Variants in CUBN observed in about 807,000 individuals in gnomAD.
CUBN encodes cubilin.
A neutral mutation model predicts 405.3 loss-of-function variants in CUBN; 282 were observed. The observed-to-expected ratio is 0.70, with a 90% confidence interval of 0.63 to 0.77. CUBN has a LOEUF of 0.77. Among genes scored for constraint, CUBN ranks in the 30% least tolerant of loss-of-function variants. The pLI is 0.00. For synonymous variants in CUBN, 1,684 were observed against 1,617.0 expected, an observed-to-expected ratio of 1.04 and a Z score of -0.99; for missense variants, 4,514 against 4,475.2, an observed-to-expected ratio of 1.01 and a Z score of -0.25.
intron 57 of CUBN, among the ~76,000 whole-genome samples, chr10:16,875,301 A>G: frequency 6.6e-6 from 1 of 152,306 alleles, no homozygotes; most frequent in Non-Finnish European, 1.5e-5. Flanking sequence ...GGGTTTACAT[A>G]TGAGGATCAG....
At chr10:16,995,743 T>C (rs1374102164) in intron 28 of CUBN, among the ~76,000 whole-genome samples, 1 of 152,200 alleles carries the variant, frequency 6.6e-6, no homozygotes, top group Non-Finnish European at 1.5e-5. Context: ...AGGTAAGAAA[T>C]TGGTTTTTCA....
Position 16,836,356 on chromosome 10 carries a change from G to A in CUBN, c.10059C>T (p.Phe3353=), listed in dbSNP as rs908326715. Reference sequence around the variant, plus strand: ...GCACAGCCGAAGCATTTCTGCCACAGAACTGAAATCTTGAATTTCCGTGAC... The same window carrying A: ...GCACAGCCGAAGCATTTCTGCCACAAAACTGAAATCTTGAATTTCCGTGAC... ...PQGHGNSRFQ[F]CGRNASAVPV... is the part of the protein sequence containing the mutation. Residue 3353 remains phenylalanine (F), a synonymous_variant, in exon 63 of 67, where the codon TTC becomes TTT. Transcript: ENST00000377833. 1.9e-6 allele frequency: 3 copies of A among 1,613,954 alleles called. No individual in the cohort carries two copies. The African/African-American group carries it at 4.0e-5, about 22-fold the overall frequency.
intron 40 of CUBN, among the ~76,000 whole-genome samples, chr10:16,932,811 T>C (rs1366159616): frequency 6.6e-6 from 1 of 152,166 alleles, no homozygotes; most frequent in African/African-American, 2.4e-5. Flanking sequence ...AGGTGAACAA[T>C]GTTGACATTC....
At chr10:17,072,745 A>G (rs370907519) in intron 17 of CUBN, among the ~76,000 whole-genome samples, 3 of 152,192 alleles carry the variant, frequency 2.0e-5, no homozygotes, top group African/African-American at 7.2e-5. Context: ...GAAAATAAAT[A>G]TATAAGCACA....
intron 27 of CUBN, among the ~76,000 whole-genome samples, chr10:17,031,372 G>C (rs1468566130): frequency 6.6e-6 from 1 of 152,114 alleles, no homozygotes; most frequent in Non-Finnish European, 1.5e-5. Flanking sequence ...GCCAGACCTT[G>C]TTTTGGCTCT....
chr10:17,099,255 T>G (rs1836443032), intron 14 of CUBN, among the ~76,000 whole-genome samples: 2 of 152,196 alleles, frequency 1.3e-5, no homozygotes, highest in African/African-American at 4.8e-5. Flanking sequence ...TCTTTACTTT[T>G]TATTTGTTTA....
At chr10:17,091,413 AAAAG>A (rs1564512031) in intron 14 of CUBN, among the ~76,000 whole-genome samples, 2 of 152,314 alleles carry the variant, frequency 1.3e-5, no homozygotes. Flanking sequence ...AAAAAAAAGA[AAAAG>A]AGAGAAAATC....
At chr10:16,931,723 C>T (rs7914868) in intron 40 of CUBN, among the ~76,000 whole-genome samples, 3 of 151,964 alleles carry the variant, frequency 2.0e-5, no homozygotes, top group Middle Eastern at 3.2e-3. Flanking sequence ...ACAGGTAGAA[C>T]GGGTTTGGAG....
At chr10:16,988,006 G>A (rs1833475861) in intron 29 of CUBN, among the ~76,000 whole-genome samples, 1 of 152,154 alleles carries the variant, frequency 6.6e-6, no homozygotes, top group Admixed American at 6.5e-5. Context: ...TCTTCTCACA[G>A]CCATTTCTGT....
chr10:17,088,024 A>C, intron 15 of CUBN, 140 bp downstream of exon 15: 35 of 663,896 alleles, frequency 5.3e-5, no homozygotes, highest in East Asian at 1.4e-4. Context: ...AGACTTTGCA[A>C]GAGTTAGATA....
At position 16,824,975 on chromosome 10, in the gene CUBN, T is replaced by C; in HGVS notation, c.10872A>G (p.Ter3624=). The change falls in exon 67 of 67, where the codon TAA becomes TAG. Residue 3624 remains the stop codon, a stop_retained_variant. Transcript: ENST00000377833. ...TGAGTGAACACGAGTTGTTACCCAC[T>C]TAGCTGTCCCAAGTTAATCGGAATG... ...PSAFRLTWDS[*] 6.2e-7 allele frequency: 1 copy of C among 1,611,516 alleles called. No homozygotes were observed. Among genetic ancestry groups the C allele is most frequent in the Non-Finnish European group, 8.5e-7 (1 of 1,177,696 alleles).
intron 14 of CUBN, among the ~76,000 whole-genome samples, chr10:17,089,984 T>A (rs904790332): frequency 6.6e-6 from 1 of 151,884 alleles, no homozygotes; most frequent in Admixed American, 6.6e-5. Context: ...GGTATGGTGG[T>A]GCGTGTCTGT....
chr10:17,092,060 A>G (rs1296871133), intron 14 of CUBN, among the ~76,000 whole-genome samples: 1 of 152,168 alleles, frequency 6.6e-6, no homozygotes, highest in East Asian at 1.9e-4. Context: ...CTTTCTGGTA[A>G]CATCTTCCTG....
chr10:16,978,001 G>A (rs1365430114), intron 31 of CUBN, among the ~76,000 whole-genome samples: 2 of 152,186 alleles, frequency 1.3e-5, no homozygotes, highest in Non-Finnish European at 2.9e-5. Flanking sequence ...ATTTTAAATT[G>A]CTTTTGCTGG....
chr10:17,071,387 T>C (rs1231194267), intron 19 of CUBN, 39 bp downstream of exon 19: 1 of 1,595,078 alleles, frequency 6.3e-7, no homozygotes, highest in Non-Finnish European at 8.6e-7. Flanking sequence ...TTTTATAATA[T>C]ACAACCAAAT....
chr10:17,061,495 T>C (rs1835503883), intron 22 of CUBN, among the ~76,000 whole-genome samples: 1 of 152,140 alleles, frequency 6.6e-6, no homozygotes, highest in Non-Finnish European at 1.5e-5. Flanking sequence ...GAAACAGAAC[T>C]CTCTTTACCC....
rs753729183 is a variant in CUBN at position 17,047,441 on chromosome 10, T to C, written c.3302A>G (p.Asn1101Ser). 1.2e-6 allele frequency: 2 copies of C among 1,613,910 alleles called. No homozygotes were observed. Among genetic ancestry groups the C allele is most frequent in the Non-Finnish European group, 8.5e-7 (1 of 1,179,830 alleles). The part of the protein sequence containing the change: ...TNFSLEEAIG[N>S]YYTDFLEIRD... The stretch of plus-strand genomic sequence containing the variant: ...GATTTCCAGAAAATCTGTATAATAG[T>C]TTCCAATGGCTTCCTCCAAGGAGAA... Residue 1101 changes from asparagine to serine, a missense_variant, in exon 23 of 67, where the codon AAC becomes AGC. Asn to Ser is a conservative substitution (Grantham distance 46, BLOSUM62 1). Transcript: ENST00000377833.
intron 57 of CUBN, 56 bp downstream of exon 57, chr10:16,876,841 G>A: frequency 6.9e-7 from 1 of 1,448,032 alleles, no homozygotes; most frequent in Admixed American, 1.7e-5. Flanking sequence ...AAAACTCTTT[G>A]TATACATTAC....
intron 21 of CUBN, among the ~76,000 whole-genome samples, chr10:17,065,948 A>G (rs914365983): frequency 6.6e-6 from 1 of 152,196 alleles, no homozygotes; most frequent in Non-Finnish European, 1.5e-5. Context: ...TAGAAATGTA[A>G]TAAACTTATA....
Sources: gnomAD v4.1 joint callset for allele counts (sites outside exome capture counted in the v4.1 genomes callset) on GRCh38, gnomAD v4.1.1 for gene constraint, MANE v1.5 for transcripts, NCBI Gene and HGNC (gene_info 2026-07-23, HGNC 2026-07-21) for gene names.